The following ROBO2 variants were observed in gnomAD, a reference collection of about 807,000 sequenced individuals.
ROBO2 encodes the protein roundabout homolog 2.
In ROBO2, 53 loss-of-function variants were observed where a neutral mutation model predicts 160.8. That is an observed-to-expected ratio of 0.33 (90% CI 0.26 to 0.41). The LOEUF (loss-of-function observed/expected upper bound fraction) is 0.41, where lower values mean the gene tolerates loss of function less well. ROBO2 is among the 10% of genes least tolerant of loss of function. The pLI, the probability that ROBO2 is intolerant of heterozygous loss-of-function variation, is 1.00. For synonymous variants in ROBO2, 664 were observed against 611.7 expected, an observed-to-expected ratio of 1.09 and a Z score of -1.26; for missense variants, 1,577 against 1,722.4, an observed-to-expected ratio of 0.92 and a Z score of 1.49.
chr3:76,610,858 G>A (rs991859940), intron 2 of ROBO2, among the ~76,000 whole-genome samples: 3 of 152,202 alleles, frequency 2.0e-5, no homozygotes, highest in South Asian at 2.1e-4. Flanking sequence ...CTCACTGCGC[G>A]CCACTGGGCA....
intron 2 of ROBO2, among the ~76,000 whole-genome samples, chr3:76,374,448 T>C (rs529475397): frequency 4.5e-4 from 68 of 152,060 alleles, no homozygotes; most frequent in Non-Finnish European, 8.5e-4. Flanking sequence ...TAAACACAAG[T>C]AGATAAACAC....
chr3:76,946,250 C>T (rs902182894), intron 2 of ROBO2, among the ~76,000 whole-genome samples: 1 of 152,084 alleles, frequency 6.6e-6, no homozygotes, highest in Non-Finnish European at 1.5e-5. Context: ...TAATAACTAT[C>T]CCCAGTCTTG....
intron 1 of ROBO2, among the ~76,000 whole-genome samples, chr3:77,044,748 A>G (rs1165390868): frequency 1.3e-5 from 2 of 152,166 alleles, no homozygotes; most frequent in African/African-American, 2.4e-5. Flanking sequence ...AGCTTTATGC[A>G]AAATGTTTTG....
At chr3:76,194,365 T>TATATATATATAC (rs1559629249) in intron 2 of ROBO2, among the ~76,000 whole-genome samples, 5 of 119,892 alleles carry the variant, frequency 4.2e-5, no homozygotes, top group African/African-American at 1.7e-4. Context: ...TATATATATA[T>TATATATATATAC]ATATATATAT....
At chr3:77,634,886 C>T (rs1457921250) in exon 24 of ROBO2, 1 of 1,614,050 alleles carries the variant, frequency 6.2e-7, no homozygotes, top group Middle Eastern at 1.7e-4. Flanking sequence ...CCTTTACCTC[C>T]TCTCAAAGAC....
chr3:76,386,377 T>C (rs2076891034), intron 2 of ROBO2, among the ~76,000 whole-genome samples: 1 of 130,438 alleles, frequency 7.7e-6, no homozygotes, highest in African/African-American at 3.0e-5. Context: ...CTCCCCTCCT[T>C]TCAGAAGTAT....
At chr3:76,469,764 T>A (rs985520761) in intron 2 of ROBO2, among the ~76,000 whole-genome samples, 1 of 152,098 alleles carries the variant, frequency 6.6e-6, no homozygotes, top group African/African-American at 2.4e-5. Flanking sequence ...TATGGCTTGA[T>A]CTGCTTCTAC....
At chr3:77,050,341 A>ACCCATGATAGAGATGGG (rs2065091146) in intron 1 of ROBO2, among the ~76,000 whole-genome samples, 4 of 142,072 alleles carry the variant, frequency 2.8e-5, no homozygotes, top group African/African-American at 1.1e-4. Context: ...GTGTATTCTA[A>ACCCATGATAGAGATGGG]GTACCTTTGA....
At chr3:76,675,057 G>A (rs1425695259) in intron 2 of ROBO2, among the ~76,000 whole-genome samples, 1 of 152,122 alleles carries the variant, frequency 6.6e-6, no homozygotes, top group Non-Finnish European at 1.5e-5. Context: ...AGTAGGAGAG[G>A]GCTGAAAAGC....
chr3:76,520,133 G>A (rs946375245), intron 2 of ROBO2, among the ~76,000 whole-genome samples: 2 of 152,018 alleles, frequency 1.3e-5, no homozygotes, highest in African/African-American at 4.8e-5. Flanking sequence ...TCAATGAGCT[G>A]CATCATTGGT....
chr3:76,942,410 T>C (rs2078249356), intron 2 of ROBO2, among the ~76,000 whole-genome samples: 2 of 152,206 alleles, frequency 1.3e-5, no homozygotes, highest in Admixed American at 1.3e-4. Flanking sequence ...TAGACCTGGT[T>C]TTCTCTTAAA....
At chr3:77,396,140 A>G (rs1266211859) in intron 2 of ROBO2, among the ~76,000 whole-genome samples, 1 of 151,672 alleles carries the variant, frequency 6.6e-6, no homozygotes, top group African/African-American at 2.4e-5. Context: ...TCTGAGGATT[A>G]TTATCTCACC....
chr3:76,440,646 T>C (rs1275116797), intron 2 of ROBO2, among the ~76,000 whole-genome samples: 1 of 152,116 alleles, frequency 6.6e-6, no homozygotes, highest in Non-Finnish European at 1.5e-5. Flanking sequence ...AGAGCAGAAA[T>C]GTGTTCTGTA....
At chr3:76,214,846 G>A (rs1266256697) in intron 2 of ROBO2, among the ~76,000 whole-genome samples, 1 of 152,218 alleles carries the variant, frequency 6.6e-6, no homozygotes, top group East Asian at 1.9e-4. Flanking sequence ...GGAGATCTGA[G>A]AACGGGCAGA....
In ROBO2 at chr3:77,622,390, A is replaced by G; in HGVS notation, c.3718A>G (p.Thr1240Ala). 2.5e-6 allele frequency: 4 copies of G among 1,613,912 alleles called. No individual in the cohort carries two copies. The highest frequency in any genetic ancestry group is 1.6e-4 in the Middle Eastern group (1 of 6,062). The stretch of plus-strand genomic sequence containing the variant: ...CAGGCCCCTGAGAGCACTGGACCAG[A>G]CTCCTGGATCCAGCATGGACAATCT... The change falls in exon 23 of 26, where the codon ACT (threonine) becomes GCT (alanine). Residue 1240 changes from threonine (T) to alanine (A), a missense_variant. Physicochemically the swap from Thr to Ala is moderately conservative, Grantham distance 58. Coordinates refer to ENST00000461745, the Ensembl canonical transcript of ROBO2.
At chr3:76,047,448 G>A (rs1335131916) in intron 2 of ROBO2, among the ~76,000 whole-genome samples, 1 of 152,172 alleles carries the variant, frequency 6.6e-6, no homozygotes, top group Non-Finnish European at 1.5e-5. Flanking sequence ...ACATGTGTGT[G>A]ACATTAATAG....
chr3:76,773,140 T>C (rs2062018948), intron 2 of ROBO2, among the ~76,000 whole-genome samples: 1 of 151,096 alleles, frequency 6.6e-6, no homozygotes, highest in Admixed American at 6.6e-5. Context: ...ATGGTCATGG[T>C]CAAAACCTCT....
chr3:76,356,466 G>A (rs537720346), intron 2 of ROBO2, among the ~76,000 whole-genome samples: 3 of 151,468 alleles, frequency 2.0e-5, no homozygotes, highest in African/African-American at 7.3e-5. Flanking sequence ...GAAAGTAAGG[G>A]TAGAGAAAGC....
Position 76,343,901 on chromosome 3 carries a change from C to G in ROBO2, c.109+406299C>G, listed in dbSNP as rs535599331. Among the ~76,000 whole-genome samples, 5 of 152,136 alleles carry G rather than the reference C, an allele frequency of 3.3e-5. No individual in the cohort carries two copies. The East Asian group carries it at 5.8e-4, about 18-fold the overall frequency. On this transcript the variant is annotated intron_variant, in intron 2 of 26. Coordinates refer to the ROBO2 transcript ENST00000487694. ...GAATGCAAAATCTGATTCATTACTTCTATTTTGATCTTGATGTGTCCAAAG... is the reference window on the plus strand; with the variant it reads ...GAATGCAAAATCTGATTCATTACTTGTATTTTGATCTTGATGTGTCCAAAG...
Sources: allele counts gnomAD v4.1 joint callset (sites outside exome capture counted in the v4.1 genomes callset), GRCh38; gene constraint gnomAD v4.1.1; transcripts MANE v1.5; gene names NCBI Gene and HGNC (gene_info 2026-07-23, HGNC 2026-07-21).